SATB2: variants seen among roughly 807,000 people sequenced by gnomAD.
SATB2 encodes the protein SATB homeobox 2.
In SATB2, 1 loss-of-function variant was observed where a neutral mutation model predicts 73.4. The ratio of observed to expected loss-of-function variants is 0.01; its 90% CI spans 0.00 to 0.06. The LOEUF (loss-of-function observed/expected upper bound fraction) is 0.06. Ranked by LOEUF, SATB2 falls within the 10% of genes least tolerant of loss-of-function variation. SATB2 has a pLI of 1.00. For synonymous variants in SATB2, 397 were observed against 367.0 expected (o/e 1.08, Z -0.93); for missense variants, 459 against 945.8 (o/e 0.49, Z 6.75).
intron 2 of SATB2, among the ~76,000 whole-genome samples, chr2:199,453,396 G>A (rs1048365814): frequency 2.0e-5 from 3 of 151,826 alleles, no homozygotes; most frequent in Non-Finnish European, 4.4e-5. Flanking sequence ...TCTGAAAACG[G>A]TAATAAATGA....
At chr2:199,432,046 T>C (rs968980181) in intron 3 of SATB2, among the ~76,000 whole-genome samples, 6 of 152,138 alleles carry the variant, frequency 3.9e-5, no homozygotes, top group Non-Finnish European at 5.9e-5. Context: ...AGGAAAGTCG[T>C]TGGAAAAAGG....
chr2:199,451,484 C>A (rs1692122730), intron 2 of SATB2, among the ~76,000 whole-genome samples: 1 of 147,536 alleles, frequency 6.8e-6, no homozygotes, highest in Non-Finnish European at 1.5e-5. Context: ...GGGAGAAATA[C>A]AATCTTTTCT....
intron 7 of SATB2, among the ~76,000 whole-genome samples, chr2:199,341,221 C>T (rs1463832014): frequency 6.6e-6 from 1 of 152,134 alleles, no homozygotes; most frequent in Non-Finnish European, 1.5e-5. Context: ...AATAGTCAAG[C>T]AACATATTTC....
intron 3 of SATB2, among the ~76,000 whole-genome samples, chr2:199,425,413 T>C (rs1387597149): frequency 6.6e-6 from 1 of 152,212 alleles, no homozygotes; most frequent in Non-Finnish European, 1.5e-5. Context: ...AAAACACTGC[T>C]AAATACTTTC....
At chr2:199,433,627 G>A (rs1691569338) in intron 2 of SATB2, 113 bp from the exon 3 acceptor site, 1 of 997,050 alleles carries the variant, frequency 1.0e-6, no homozygotes, top group Admixed American at 1.9e-5. Flanking sequence ...ATCGACAGTG[G>A]TTTAGATTAA....
chr2:199,418,067 A>T (rs1417119740), intron 3 of SATB2, among the ~76,000 whole-genome samples: 1 of 152,208 alleles, frequency 6.6e-6, no homozygotes, highest in African/African-American at 2.4e-5. Context: ...CAACAACTGG[A>T]ATCATAATAG....
Position 199,463,375 on chromosome 2 carries a change from G to T in SATB2, c.-141+1461C>A, listed in dbSNP as rs893124609. 2.0e-5 allele frequency among the ~76,000 whole-genome samples: 3 copies of T among 152,230 alleles called. No individual in the cohort carries two copies. Among genetic ancestry groups the T allele is most frequent in the East Asian group, 1.9e-4 (1 of 5,194 alleles). ...CCGCCCCCAGCTCGGAGCTGCCGGG[G>T]TTGGGGCCCCGGGTGGCGCTCCCGA... On this transcript the variant is annotated intron_variant, in intron 1 of 11. Transcript: ENST00000260926. This position sits in a 1 kb window ranked among gnomAD's most constrained non-coding sequence, Gnocchi z 6.4.
chr2:199,407,755 A>T (rs1419729803), intron 3 of SATB2, among the ~76,000 whole-genome samples: 3 of 152,236 alleles, frequency 2.0e-5, no homozygotes, highest in Non-Finnish European at 4.4e-5. Context: ...AAATAAAATC[A>T]TAAAAGAACA....
chr2:199,415,151 C>T (rs1690937783), intron 3 of SATB2, among the ~76,000 whole-genome samples: 1 of 152,174 alleles, frequency 6.6e-6, no homozygotes, highest in African/African-American at 2.4e-5. Context: ...GGACCTGAAG[C>T]AAGAAACGCT....
rs1269291773 is a variant in SATB2 at position 199,269,867 on chromosome 2, G to A, written c.*2344C>T. ...GCTAAAATGCCCACAGATTCACTTA[G>A]AACCACTGCAAACTTGGCAGTGAAA... is the stretch of plus-strand genomic sequence containing the variant. On this transcript the variant is annotated 3_prime_UTR_variant, in exon 11 of 11. Transcript: ENST00000417098. 1 of 152,706 alleles carries A rather than the reference G, an allele frequency of 6.5e-6. No homozygotes were observed. Among genetic ancestry groups the A allele is most frequent in the Non-Finnish European group, 1.5e-5 (1 of 68,022 alleles). 9.5% of individuals were successfully genotyped at this position (152,706 alleles called of 1,614,324 possible).
intron 3 of SATB2, among the ~76,000 whole-genome samples, chr2:199,395,411 T>A (rs1421780393): frequency 6.6e-6 from 1 of 152,148 alleles, no homozygotes; most frequent in Non-Finnish European, 1.5e-5. Context: ...CCAGTATGAG[T>A]CAAGGTAAGT....
chr2:199,321,071 A>C (rs1454874470), intron 9 of SATB2, among the ~76,000 whole-genome samples: 1 of 23,144 alleles, frequency 4.3e-5, no homozygotes, highest in Non-Finnish European at 2.0e-4. Context: ...AGATCCCTCC[A>C]AAGAAAAATA....
intron 10 of SATB2, among the ~76,000 whole-genome samples, chr2:199,306,841 TAACA>T (rs1687446712): frequency 6.6e-6 from 1 of 152,186 alleles, no homozygotes; most frequent in African/African-American, 2.4e-5. Context: ...CCCTCAATTA[TAACA>T]AACAATGCAT....
At chr2:199,355,137 C>A (rs1333904342) in intron 6 of SATB2, among the ~76,000 whole-genome samples, 3 of 150,984 alleles carry the variant, frequency 2.0e-5, no homozygotes, top group African/African-American at 7.3e-5. Flanking sequence ...TAGGTTGTTA[C>A]AAGAACATTT....
chr2:199,378,667 C>T (rs1689674627), intron 5 of SATB2, among the ~76,000 whole-genome samples: 1 of 152,076 alleles, frequency 6.6e-6, no homozygotes, highest in Admixed American at 6.6e-5. Flanking sequence ...TTCCAAAACA[C>T]CCTCAAAGGC....
intron 2 of SATB2, among the ~76,000 whole-genome samples, chr2:199,438,944 C>G (rs1199478971): frequency 2.0e-5 from 3 of 152,248 alleles, no homozygotes; most frequent in Admixed American, 1.3e-4. Context: ...CCCAAGCAGG[C>G]TGCTTTCCTG....
At chr2:199,329,109 G>A (rs1688116619) in intron 7 of SATB2, 199 bp from the exon 8 acceptor site, 1 of 623,472 alleles carries the variant, frequency 1.6e-6, no homozygotes, top group Non-Finnish European at 2.9e-6. Context: ...TTTTAGGACT[G>A]TTCTATTCTG....
At chr2:199,349,207 T>C (rs756028224) in intron 6 of SATB2, 34 bp from the exon 7 acceptor site, 1 of 1,463,366 alleles carries the variant, frequency 6.8e-7, no homozygotes, top group Non-Finnish European at 9.5e-7. Context: ...TTAATCATTA[T>C]TTTCATTGGT....
intron 8 of SATB2, 150 bp downstream of exon 8, chr2:199,328,548 T>TTAAAATAAAA: frequency 1.7e-6 from 1 of 591,640 alleles, no homozygotes; most frequent in East Asian, 3.1e-5. Flanking sequence ...CTCAAAAAAA[T>TTAAAATAAAA]TAAAATAAAA....
Sources: allele counts gnomAD v4.1 joint callset (sites outside exome capture counted in the v4.1 genomes callset), GRCh38; gene constraint gnomAD v4.1.1; non-coding constraint Gnocchi (gnomAD v3.1); transcripts MANE v1.5; gene names NCBI Gene and HGNC (gene_info 2026-07-23, HGNC 2026-07-21).